The following FAM133A variants were observed in gnomAD, a reference collection of about 807,000 sequenced individuals.
The protein encoded by FAM133A is protein FAM133A.
For missense variants in FAM133A, 159 were observed against 164.4 expected (o/e 0.97, Z 0.18); for synonymous variants, 65 against 58.6 (o/e 1.11, Z -0.50).
chrX:93,703,957 A>C (rs923910007), intron 3 of FAM133A, among the ~76,000 whole-genome samples: 1 of 111,921 alleles, frequency 8.9e-6, no homozygotes, highest in Non-Finnish European at 1.9e-5. Flanking sequence ...AATATACATG[A>C]GAAGAACTGT....
At chrX:93,706,157 C>A (rs946826018) in intron 3 of FAM133A, among the ~76,000 whole-genome samples, 1 of 112,255 alleles carries the variant, frequency 8.9e-6, no homozygotes, top group Admixed American at 9.5e-5. Flanking sequence ...TTGTCTGTAA[C>A]AAATCTTTTC....
rs749327114 is a variant in FAM133A, at chrX:93,709,948, A to C, written c.529A>C (p.Ser177Arg). Residue 177 changes from serine (S) to arginine (R), a missense_variant, in exon 4 of 4, where the codon AGC becomes CGC. Physicochemically the swap from Ser to Arg is moderately radical, Grantham distance 110. Coordinates refer to ENST00000683942, the MANE Select transcript of FAM133A (RefSeq NM_001171109.2). ...GAAAGAAAAGGATGTAAGAAGCCTC[A>C]GCAAAAAAAGAAAGAAAAGTTACCC... ...TEKEKDVRSL[S>R]KKRKKSYPDD... The C allele has an allele frequency of 8.4e-7, 1 of 1,188,083 alleles. No individual in the cohort carries two copies. The highest frequency in any genetic ancestry group is 1.9e-5 in the South Asian group (1 of 52,298).
rs979441011 is a variant in FAM133A at position 93,685,290 on chromosome X, T to G, written c.-193+10538T>G. 3.6e-5 allele frequency among the ~76,000 whole-genome samples: 4 copies of G among 111,867 alleles called. No homozygotes were observed. In the South Asian group the frequency reaches 1.5e-3, roughly 41 times the overall value. On this transcript the variant is annotated intron_variant, in intron 2 of 3. Coordinates refer to ENST00000683942, the MANE Select transcript of FAM133A (RefSeq NM_001171109.2). Reference sequence around the variant, plus strand: ...TAACCATTCTTCTGAAAAGTTTATTTTTACTCTTGTAGGAAAAAACTTGAG... The same window carrying G: ...TAACCATTCTTCTGAAAAGTTTATTGTTACTCTTGTAGGAAAAAACTTGAG...
At chrX:93,675,489 A>T (rs1173236529) in intron 2 of FAM133A, among the ~76,000 whole-genome samples, 2 of 111,310 alleles carry the variant, frequency 1.8e-5, no homozygotes, top group Non-Finnish European at 3.8e-5. Flanking sequence ...CCATTTCTAT[A>T]CCATCTCTCC....
intron 2 of FAM133A, among the ~76,000 whole-genome samples, chrX:93,697,978 T>C (rs980218260): frequency 1.8e-5 from 2 of 111,411 alleles, no homozygotes; most frequent in African/African-American, 6.5e-5. Context: ...ACTATTGAAA[T>C]ATAAAATAGA....
chrX:93,681,671 C>T (rs941191220), intron 2 of FAM133A, among the ~76,000 whole-genome samples: 1 of 111,355 alleles, frequency 9.0e-6, no homozygotes, highest in African/African-American at 3.3e-5. Flanking sequence ...GAAATAGAGG[C>T]CTACATTCTC....
In FAM133A at chrX:93,711,844, C is replaced by T. The variant is rs1927461972; in HGVS notation, c.*1678C>T. 8.1e-6 allele frequency: 1 copy of T among 122,979 alleles called. No individual in the cohort carries two copies. Among genetic ancestry groups the T allele is most frequent in the African/African-American group, 3.2e-5 (1 of 30,771 alleles). 10.1% of individuals were successfully genotyped at this position (122,979 alleles called of 1,213,427 possible). ...ATGTTTATGCTGATAAAAACTATTA[C>T]ATTTATGGGATATTTTGTATCCATA... On this transcript the variant is annotated 3_prime_UTR_variant, in exon 4 of 4. Transcript: ENST00000683942.
In FAM133A at chrX:93,712,122, G is replaced by A. The variant is rs1454156750; in HGVS notation, c.*1956G>A. 1.6e-5 allele frequency: 2 copies of A among 123,231 alleles called. No homozygotes were observed. Among genetic ancestry groups the A allele is most frequent in the Non-Finnish European group, 3.8e-5 (2 of 53,275 alleles). The allele number at this position is 123,231 out of a possible 1,213,427, so 10.2% of individuals were successfully genotyped here. A position where few individuals can be genotyped will look rare whatever the true frequency, so the allele number is the denominator to read the frequency against. ...TTTCTTTTGCCTGTCATGGTGACCTGAAAGCAAGATGTTCCAAATGGCATA... is the reference window on the plus strand; with the variant it reads ...TTTCTTTTGCCTGTCATGGTGACCTAAAAGCAAGATGTTCCAAATGGCATA... On this transcript the variant is annotated 3_prime_UTR_variant, in exon 4 of 4. Coordinates refer to ENST00000683942, the MANE Select transcript of FAM133A (RefSeq NM_001171109.2).
intron 3 of FAM133A, among the ~76,000 whole-genome samples, chrX:93,700,126 T>C (rs1473938325): frequency 1.8e-5 from 2 of 110,502 alleles, no homozygotes; most frequent in Admixed American, 1.9e-4. Flanking sequence ...TCCATGAAAT[T>C]GATTTTTAGA....
At chrX:93,704,428 T>C (rs767008780) in intron 3 of FAM133A, among the ~76,000 whole-genome samples, 1 of 111,720 alleles carries the variant, frequency 9.0e-6, no homozygotes, top group African/African-American at 3.2e-5. Context: ...GGTTTTTTTT[T>C]AAATAGGAGC....
At chrX:93,695,356 C>T (rs1015535520) in intron 2 of FAM133A, among the ~76,000 whole-genome samples, 3 of 110,910 alleles carry the variant, frequency 2.7e-5, no homozygotes, top group Non-Finnish European at 5.7e-5. Flanking sequence ...TGGATTCAAG[C>T]GATTCTCCTG....
At position 93,710,679 on chromosome X, in the gene FAM133A, T is replaced by G. The variant is rs1019141123; in HGVS notation, c.*513T>G. The G allele has an allele frequency of 8.1e-6, 1 of 123,074 alleles. No individual in the cohort carries two copies. The highest frequency in any genetic ancestry group is 1.9e-5 in the Non-Finnish European group (1 of 53,317). The allele number at this position is 123,074 out of a possible 1,213,427, so 10.1% of individuals were successfully genotyped here. On this transcript the variant is annotated 3_prime_UTR_variant, in exon 4 of 4. Transcript: ENST00000683942. ...GGAAGGGCAAGTGTTTGCTAATCAC[T>G]GTGGCTAGCTGAATAGTGTGCCTTT...
At chrX:93,699,939 G>A (rs1270227997) in intron 3 of FAM133A, among the ~76,000 whole-genome samples, 1 of 110,376 alleles carries the variant, frequency 9.1e-6, no homozygotes, top group Non-Finnish European at 1.9e-5. Flanking sequence ...TTTATTTTAG[G>A]TGTACAGTTT....
chrX:93,675,857 T>G (rs887955907), intron 2 of FAM133A, among the ~76,000 whole-genome samples: 1 of 111,280 alleles, frequency 9.0e-6, no homozygotes, highest in Non-Finnish European at 1.9e-5. Context: ...AAAACATATG[T>G]TATAGAAACA....
chrX:93,687,171 A>AATAAAATGGC, intron 2 of FAM133A, among the ~76,000 whole-genome samples: 1 of 112,711 alleles, frequency 8.9e-6, no homozygotes, highest in East Asian at 2.8e-4. Flanking sequence ...CATAAAATGG[A>AATAAAATGGC]ATAAAATGGC....
intron 2 of FAM133A, among the ~76,000 whole-genome samples, chrX:93,683,596 C>T (rs1048485761): frequency 1.8e-5 from 2 of 111,918 alleles, no homozygotes; most frequent in Admixed American, 9.5e-5. Flanking sequence ...AACCTCCATA[C>T]TGTTCTCCAT....
At chrX:93,705,727 ATTCT>A (rs1166490223) in intron 3 of FAM133A, among the ~76,000 whole-genome samples, 4 of 108,201 alleles carry the variant, frequency 3.7e-5, no homozygotes, top group Non-Finnish European at 7.7e-5. Flanking sequence ...GGGGGAAGAA[ATTCT>A]TTCTATCTCT....
intron 2 of FAM133A, among the ~76,000 whole-genome samples, chrX:93,692,348 C>T: frequency 9.0e-6 from 1 of 111,546 alleles, no homozygotes; most frequent in Non-Finnish European, 1.9e-5. Flanking sequence ...ACTGGAAGTT[C>T]TGTCATCTGT....
chrX:93,703,707 A>G (rs1926868675), intron 3 of FAM133A, among the ~76,000 whole-genome samples: 1 of 112,104 alleles, frequency 8.9e-6, no homozygotes. Context: ...TAAAACAAAC[A>G]TTTGACAAAC....
Sources: allele counts gnomAD v4.1 joint callset (sites outside exome capture counted in the v4.1 genomes callset), GRCh38; gene constraint gnomAD v4.1.1; transcripts MANE v1.5; gene names NCBI Gene and HGNC (gene_info 2026-07-23, HGNC 2026-07-21).